The following MED16 variants were observed in gnomAD, a reference collection of about 807,000 sequenced individuals.
The protein encoded by MED16 is mediator complex subunit 16, also known as mediator of RNA polymerase II transcription subunit 16.
MED16 carries 81 observed loss-of-function variants against 84.4 expected under a neutral mutation model. That is an observed-to-expected ratio of 0.96 (90% confidence interval 0.80 to 1.15). MED16 has a LOEUF of 1.15. MED16 is among the 50% of genes most tolerant of loss of function. The pLI is 0.00. For missense variants in MED16, 1,585 were observed against 1,245.9 expected, an observed-to-expected ratio of 1.27 and a Z score of -4.10; for synonymous variants, 897 against 552.2, an observed-to-expected ratio of 1.62 and a Z score of -8.76.
At chr19:887,901 G>A (rs1467025586) in intron 4 of MED16, among the ~76,000 whole-genome samples, 2 of 151,550 alleles carry the variant, frequency 1.3e-5, no homozygotes, top group African/African-American at 4.9e-5. Context: ...TTTCCTTTTC[G>A]GGTGATGAGA....
Position 875,442 on chromosome 19 carries a change from G to A in MED16, c.1573C>T (p.Arg525Trp), listed in dbSNP as rs376368245. 2.5e-4 allele frequency: 405 copies of A among 1,601,658 alleles called. No homozygotes were observed. Among genetic ancestry groups the A allele is most frequent in the Non-Finnish European group, 3.3e-4 (388 of 1,179,428 alleles). ...AGCGAGGCCTTCATGGCCAGGATCC[G>A]GGTGGAGAGGACCTGAGGGCAGGAA... The part of the protein sequence containing the change: ...TAALQQVLST[R>W]ILAMKASLCK... The change falls in exon 10 of 16, where the codon CGG (arginine) becomes TGG (tryptophan). Residue 525 changes from arginine (R) to tryptophan (W), a missense_variant. Coordinates refer to ENST00000325464, the MANE Select transcript of MED16 (RefSeq NM_005481.3).
In MED16 at chr19:880,926, A is replaced by G. The variant is rs556777148; in HGVS notation, c.1141+633T>C. Among the ~76,000 whole-genome samples, 121 of 149,972 alleles carry G rather than the reference A, an allele frequency of 8.1e-4. No individual in the cohort carries two copies. In the Middle Eastern group the frequency reaches 0.014, roughly 17 times the overall value. On this transcript the variant is annotated intron_variant, in intron 7 of 15. Coordinates refer to ENST00000325464, the MANE Select transcript of MED16 (RefSeq NM_005481.3). The stretch of plus-strand genomic sequence containing the variant: ...GGCAACAGAATGAGACTCCAACTCA[A>G]AAAAAAAAAGAAAAAAAAAAATAGA...
chr19:883,469 C>T (rs1012104588), intron 6 of MED16, among the ~76,000 whole-genome samples: 3 of 146,138 alleles, frequency 2.1e-5, no homozygotes, highest in Non-Finnish European at 4.5e-5. Flanking sequence ...GGACCAAAGC[C>T]TGGCATGGTG....
At chr19:890,306 C>T in intron 2 of MED16, 62 bp from the exon 3 acceptor site, 2 of 1,205,546 alleles carry the variant, frequency 1.7e-6, no homozygotes, top group Admixed American at 5.4e-5. Flanking sequence ...ATGACGATGA[C>T]TCCAGGCAGG....
chr19:871,686 G>A (rs777107748), intron 12 of MED16: 8 of 1,544,746 alleles, frequency 5.2e-6, no homozygotes, highest in South Asian at 1.1e-5. Flanking sequence ...AGATATCAAG[G>A]CAGAGCCACT....
chr19:871,559 C>T, intron 12 of MED16: 1 of 1,592,030 alleles, frequency 6.3e-7, no homozygotes, highest in Non-Finnish European at 8.5e-7. Flanking sequence ...ACAGCTCACC[C>T]TCCTCACATA....
chr19:889,731 C>T lies in MED16; in HGVS notation c.354G>A (p.Trp118Ter), dbSNP rs779264813. ...WSMADHLANS[W>*]ESSVGSLVEG... Reference sequence around the variant, plus strand: ...CCACTAGGCTGCCCACTGAGCTCTCCCAGCTATTAGCCAGGTGGTCCGCCA... The same window carrying T: ...CCACTAGGCTGCCCACTGAGCTCTCTCAGCTATTAGCCAGGTGGTCCGCCA... The change falls in exon 4 of 16, where the codon TGG becomes TGA. Residue 118 changes from tryptophan to a stop codon, truncating the protein, a stop_gained. Transcript: ENST00000325464. LOFTEE classifies it high-confidence loss of function. 2 of 1,613,740 alleles carry T rather than the reference C, an allele frequency of 1.2e-6. No individual in the cohort carries two copies. Among genetic ancestry groups the T allele is most frequent in the South Asian group, 2.2e-5 (2 of 91,034 alleles).
rs1278436210 is a variant in MED16, at chr19:873,599, G to A, written c.1772-17C>T. 3 of 1,611,682 alleles carry A rather than the reference G, an allele frequency of 1.9e-6. No individual in the cohort carries two copies. Among genetic ancestry groups the A allele is most frequent in the Admixed American group, 1.7e-5 (1 of 59,988 alleles). ...TGTCAATGTCTACAAGGAGACGTGG[G>A]TCGGGTCAGCTCGGGCCTCTTGTAC... On this transcript the variant is annotated splice_polypyrimidine_tract_variant and intron_variant, in intron 10 of 15. Coordinates refer to ENST00000325464, the MANE Select transcript of MED16 (RefSeq NM_005481.3).
chr19:872,204 AC>A, intron 11 of MED16, 86 bp from the exon 12 acceptor site: 1 of 1,171,044 alleles, frequency 8.5e-7, no homozygotes, highest in Non-Finnish European at 1.2e-6. Context: ...TGGAACCCCG[AC>A]CGGGGGGCAA....
chr19:890,036 C>T, intron 3 of MED16, 101 bp downstream of exon 3: 2 of 948,410 alleles, frequency 2.1e-6, no homozygotes, highest in South Asian at 1.6e-5. Context: ...ACCAGGGGCT[C>T]TAGACCCAGC....
intron 12 of MED16, chr19:871,682 C>G (rs1262658410): frequency 6.5e-7 from 1 of 1,540,388 alleles, no homozygotes; most frequent in Non-Finnish European, 8.8e-7. Context: ...TAGCAGATAT[C>G]AAGGCAGAGC....
Position 871,140 on chromosome 19 carries a change from G to C in MED16, c.2212C>G (p.Leu738Val). 1 of 1,548,146 alleles carries C rather than the reference G, an allele frequency of 6.5e-7. No homozygotes were observed. The highest frequency in any genetic ancestry group is 1.2e-5 in the South Asian group (1 of 84,032). The change falls in exon 13 of 16, where the codon CTG becomes GTG. Residue 738 changes from leucine (L) to valine (V), a missense_variant. Coordinates refer to ENST00000325464, the MANE Select transcript of MED16 (RefSeq NM_005481.3). ...TGCTTGGGCTGCAGGCGGCTAACCA[G>C]GCCGTCGCTGGCTGGCAGCCAGTCC... ...SLDWLPASDG[L>V]VSRLQPKQPL...
chr19:877,533 C>T (rs2036279134), intron 8 of MED16, among the ~76,000 whole-genome samples: 2 of 111,004 alleles, frequency 1.8e-5, no homozygotes, highest in South Asian at 2.5e-4. Flanking sequence ...CCACTGACCT[C>T]GCTCAACAAG....
Position 891,053 on chromosome 19 carries a change from T to C in MED16, c.79A>G (p.Ser27Gly), listed in dbSNP as rs773271447. 30 of 1,613,956 alleles carry C rather than the reference T, an allele frequency of 1.9e-5. No homozygotes were observed. Among genetic ancestry groups the C allele is most frequent in the Non-Finnish European group, 2.5e-5 (30 of 1,180,028 alleles). ...YVCEWEKWSK[S>G]THCPSVPLAC... The stretch of plus-strand genomic sequence containing the variant: ...AGGGGCACCGATGGGCAGTGGGTGC[T>C]CTTGGACCATTTCTCCCACTCACAG... The change falls in exon 2 of 16, where the codon AGC becomes GGC. Residue 27 changes from serine (S) to glycine (G), a missense_variant. Transcript: ENST00000325464.
Position 884,911 on chromosome 19 carries a change from G to A in MED16, c.977C>T (p.Ser326Phe). 3.7e-6 allele frequency: 6 copies of A among 1,607,354 alleles called. No homozygotes were observed. The highest frequency in any genetic ancestry group is 5.1e-6 in the Non-Finnish European group (6 of 1,178,542). The change falls in exon 6 of 16, where the codon TCC becomes TTC. Residue 326 changes from serine to phenylalanine, a missense_variant. Ser to Phe is a radical substitution (Grantham distance 155, BLOSUM62 -2). Coordinates refer to ENST00000325464, the MANE Select transcript of MED16 (RefSeq NM_005481.3). ...LPVNNIFQQI[S>F]PVVGDKQPTI... is the part of the protein sequence containing the mutation. ...GCCGGCGGGAGACTCACCCACGGGG[G>A]AGATCTGCTGGAAGATGTTGTTCAC...
chr19:870,660 T>C (rs374041857), intron 13 of MED16, among the ~76,000 whole-genome samples: 6 of 146,166 alleles, frequency 4.1e-5, no homozygotes, highest in African/African-American at 1.5e-4. Context: ...CACTAGGGGA[T>C]GGAGTTAGGG....
At chr19:870,682 G>A (rs1382339589) in intron 13 of MED16, among the ~76,000 whole-genome samples, 1 of 151,952 alleles carries the variant, frequency 6.6e-6, no homozygotes, top group Admixed American at 6.6e-5. Flanking sequence ...CACCTAGAAG[G>A]AAGCAGCAGT....
At chr19:879,269 G>C (rs2036352008) in intron 8 of MED16, among the ~76,000 whole-genome samples, 1 of 113,140 alleles carries the variant, frequency 8.8e-6, no homozygotes, top group Non-Finnish European at 1.7e-5. Flanking sequence ...TCCTCTGGTT[G>C]TCAATGCCCA....
At chr19:878,029 G>A (rs1248941000) in intron 8 of MED16, among the ~76,000 whole-genome samples, 2 of 98,640 alleles carry the variant, frequency 2.0e-5, no homozygotes, top group Non-Finnish European at 2.0e-5. Flanking sequence ...ACCAGCCCCA[G>A]CCCCAGCCCC....
Sources: allele counts gnomAD v4.1 joint callset (sites outside exome capture counted in the v4.1 genomes callset), GRCh38; gene constraint gnomAD v4.1.1; transcripts MANE v1.5; gene names NCBI Gene and HGNC (gene_info 2026-07-23, HGNC 2026-07-21).